The following ABCD2 variants were observed in gnomAD, a reference collection of about 807,000 sequenced individuals.
The protein encoded by ABCD2 is ATP binding cassette subfamily D member 2.
ABCD2 carries 36 observed loss-of-function variants against 70.9 expected under a neutral mutation model. The observed-to-expected ratio is 0.51, with a 90% CI of 0.39 to 0.67. The LOEUF (loss-of-function observed/expected upper bound fraction) is 0.67, where lower values mean the gene tolerates loss of function less well. ABCD2 is among the 30% of genes least tolerant of loss of function. The probability of loss-of-function intolerance (pLI) is 0.00; values close to 1 mark genes in which losing one functional copy is unlikely to be tolerated. For missense variants in ABCD2, 729 were observed against 890.2 expected (o/e 0.82, Z 2.30); for synonymous variants, 304 against 306.9 (o/e 0.99, Z 0.10).
rs71075064 is a variant in ABCD2, at chr12:39,613,385, CAAAAAAAAAAAAA to C, written c.1120+3590_1120+3602del. 3.0e-4 allele frequency among the ~76,000 whole-genome samples: 7 copies of C among 23,612 alleles called. 1 individual carries two copies. Among genetic ancestry groups the C allele is most frequent in the African/African-American group, 9.2e-4 (3 of 3,248 alleles). 15.5% of individuals were successfully genotyped at this position (23,612 alleles called of 152,430 possible). ...TGGGCGACAGAGCGAGACTCCGTCT[CAAAAAAAAAAAAA>C]AAAAAAAAAAAAAAAAAAAGAATTG... On this transcript the variant is annotated intron_variant, in intron 2 of 9. Coordinates refer to ENST00000308666, the MANE Select transcript of ABCD2 (RefSeq NM_005164.4).
chr12:39,573,082 G>A (rs1941470206), intron 9 of ABCD2, among the ~76,000 whole-genome samples: 1 of 152,078 alleles, frequency 6.6e-6, no homozygotes. Flanking sequence ...ATTCCACAGG[G>A]TTGTTGTGAG....
At position 39,619,646 on chromosome 12, in the gene ABCD2, G is replaced by T. The variant is rs764217602; in HGVS notation, c.-31C>A. 3.2e-6 allele frequency: 5 copies of T among 1,576,932 alleles called. No homozygotes were observed. The highest frequency in any genetic ancestry group is 2.7e-5 in the African/African-American group (2 of 73,900). On this transcript the variant is annotated 5_prime_UTR_variant, in exon 1 of 10. Transcript: ENST00000308666. ...CAGTTACCCAAACCGGCTTCCAAAA[G>T]AATTCGTTTTAAAAGATCATGCTTC...
chr12:39,566,396 G>C (rs1941348297), intron 9 of ABCD2, among the ~76,000 whole-genome samples: 1 of 152,194 alleles, frequency 6.6e-6, no homozygotes, highest in African/African-American at 2.4e-5. Flanking sequence ...ATTTCTTCTA[G>C]ATTTTCTAGT....
At chr12:39,618,386 C>A (rs941368200) in intron 1 of ABCD2, among the ~76,000 whole-genome samples, 1 of 152,082 alleles carries the variant, frequency 6.6e-6, no homozygotes, top group African/African-American at 2.4e-5. Flanking sequence ...TAAGAAAATG[C>A]GTTAGAAATA....
chr12:39,543,821 A>G, the ABCD2 span, among the ~76,000 whole-genome samples: 1 of 152,172 alleles, frequency 6.6e-6, no homozygotes, highest in Non-Finnish European at 1.5e-5. Context: ...TTCCACAAAC[A>G]TATATTAAGT....
At chr12:39,541,955 A>G in the ABCD2 span, among the ~76,000 whole-genome samples, 3 of 152,174 alleles carry the variant, frequency 2.0e-5, no homozygotes, top group Non-Finnish European at 4.4e-5. Flanking sequence ...ATGTGGTGTT[A>G]GAAGACAGGA....
the ABCD2 span, chr12:39,539,794 G>T: frequency 1.3e-5 from 2 of 157,802 alleles, no homozygotes; most frequent in South Asian, 3.8e-4. Context: ...GGGGAGCCTT[G>T]ACTATTTCAC....
the ABCD2 span, among the ~76,000 whole-genome samples, chr12:39,534,666 A>G: frequency 7.3e-6 from 1 of 136,130 alleles, no homozygotes; most frequent in African/African-American, 3.0e-5. Flanking sequence ...AAAAAGAAAG[A>G]AAGAGAGAGA....
chr12:39,579,511 G>A (rs918552391), intron 8 of ABCD2, 24 bp downstream of exon 8: 7 of 1,565,114 alleles, frequency 4.5e-6, no homozygotes, highest in Non-Finnish European at 6.2e-6. Context: ...TGGCCTAGTA[G>A]TTACCTGAAT....
chr12:39,609,874 T>C (rs1285322809), intron 2 of ABCD2, among the ~76,000 whole-genome samples: 1 of 152,172 alleles, frequency 6.6e-6, no homozygotes, highest in Non-Finnish European at 1.5e-5. Flanking sequence ...GTGCAAGAAA[T>C]TAGGCAAGAT....
intron 5 of ABCD2, 55 bp from the exon 6 acceptor site, chr12:39,600,771 C>T: frequency 2.0e-6 from 3 of 1,466,698 alleles, no homozygotes; most frequent in Non-Finnish European, 2.8e-6. Flanking sequence ...TTTATTTTGG[C>T]AGCACCTAAA....
downstream of ABCD2, among the ~76,000 whole-genome samples, chr12:39,548,760 A>G (rs1275415199): frequency 6.6e-6 from 1 of 151,868 alleles, no homozygotes; most frequent in Non-Finnish European, 1.5e-5. Flanking sequence ...ATTAAATGAT[A>G]TAGCCAAGTT....
chr12:39,572,859 A>G (rs1413669194), intron 9 of ABCD2, among the ~76,000 whole-genome samples: 1 of 152,192 alleles, frequency 6.6e-6, no homozygotes, highest in East Asian at 1.9e-4. Flanking sequence ...AGACAGTTAT[A>G]GTTACTAAGA....
intron 9 of ABCD2, among the ~76,000 whole-genome samples, chr12:39,570,682 A>G (rs887442734): frequency 6.6e-6 from 1 of 152,176 alleles, no homozygotes; most frequent in Non-Finnish European, 1.5e-5. Flanking sequence ...TGAAATGACA[A>G]TGAAATTTGG....
rs771028895 is a variant in ABCD2, at chr12:39,573,771, C to T, written c.1948G>A (p.Ala650Thr). The change falls in exon 9 of 10, where the codon GCT (alanine) becomes ACT (threonine). Residue 650 changes from alanine (A) to threonine (T), a missense_variant. Around this residue, in one of 3 missense-constraint regions of ABCD2, gnomAD observed 289 missense variants for 328.8 expected, o/e 0.88. Transcript: ENST00000308666. ...SIDVEGKIFQ[A>T]AKGAGISLLS... ...AAGGAAATTCCAGCCCCTTTTGCAGCCTGAAATATCTTTCCTTCGACATCA... is the reference window on the plus strand; with the variant it reads ...AAGGAAATTCCAGCCCCTTTTGCAGTCTGAAATATCTTTCCTTCGACATCA... The T allele has an allele frequency of 1.2e-6, 2 of 1,613,362 alleles. No homozygotes were observed. The highest frequency in any genetic ancestry group is 1.7e-6 in the Non-Finnish European group (2 of 1,179,432).
At chr12:39,617,709 A>G (rs1025905367) in intron 1 of ABCD2, among the ~76,000 whole-genome samples, 3 of 152,162 alleles carry the variant, frequency 2.0e-5, no homozygotes, top group Non-Finnish European at 2.9e-5. Context: ...TTTACTTTAA[A>G]TATTATTTTT....
intron 9 of ABCD2, among the ~76,000 whole-genome samples, chr12:39,560,410 T>A (rs557329988): frequency 1.3e-5 from 2 of 152,208 alleles, no homozygotes; most frequent in Non-Finnish European, 2.9e-5. Flanking sequence ...CAGTCTATCA[T>A]TGATGGACAT....
downstream of ABCD2, among the ~76,000 whole-genome samples, chr12:39,546,004 T>C (rs1591958115): frequency 6.6e-6 from 1 of 152,328 alleles, no homozygotes; most frequent in Non-Finnish European, 1.5e-5. Flanking sequence ...GAAATGTTTG[T>C]AAAACTTTTA....
At chr12:39,549,419 TCTGACAAGGA>T (rs1292644109), downstream of ABCD2, among the ~76,000 whole-genome samples, 2 of 151,948 alleles carry the variant, frequency 1.3e-5, no homozygotes, top group African/African-American at 4.8e-5. Flanking sequence ...TCATGAGGGC[TCTGACAAGGA>T]CTGTCTTGTT....
Sources: gnomAD v4.1 joint callset for allele counts (sites outside exome capture counted in the v4.1 genomes callset) on GRCh38, gnomAD v4.1.1 for gene constraint, gnomAD v4.1.1 regional missense constraint, MANE v1.5 for transcripts, NCBI Gene and HGNC (gene_info 2026-07-23, HGNC 2026-07-21) for gene names.